Variants in PIGU observed in about 807,000 individuals in gnomAD.
PIGU encodes the protein GPI-anchor transamidase component PIGU.
PIGU carries 24 observed loss-of-function variants against 49.9 expected under a neutral mutation model. The ratio of observed to expected loss-of-function variants is 0.48; its 90% CI spans 0.35 to 0.68. PIGU has a LOEUF of 0.68. PIGU is among the 30% of genes least tolerant of loss of function. The probability of loss-of-function intolerance (pLI) is 0.01; values close to 1 mark genes in which losing one functional copy is unlikely to be tolerated. For synonymous variants in PIGU, 220 were observed against 205.7 expected (o/e 1.07, Z -0.59); for missense variants, 490 against 532.6 (o/e 0.92, Z 0.79).
intron 6 of PIGU, among the ~76,000 whole-genome samples, chr20:34,616,876 G>C (rs899579129): frequency 1.3e-5 from 2 of 152,154 alleles, no homozygotes; most frequent in African/African-American, 4.8e-5. Flanking sequence ...CACTTCGAGA[G>C]GCCGAGTCAG....
chr20:34,637,241 T>C (rs1985996258), intron 5 of PIGU, among the ~76,000 whole-genome samples: 1 of 152,268 alleles, frequency 6.6e-6, no homozygotes, highest in Non-Finnish European at 1.5e-5. Flanking sequence ...TCTTGTTTAC[T>C]GTATATCCCT....
intron 1 of PIGU, among the ~76,000 whole-genome samples, chr20:34,667,868 T>C (rs1331371721): frequency 6.6e-6 from 1 of 152,174 alleles, no homozygotes; most frequent in African/African-American, 2.4e-5. Context: ...ACAGTCACTT[T>C]ATGGTGGAGA....
intron 11 of PIGU, among the ~76,000 whole-genome samples, chr20:34,567,343 T>C (rs190244236): frequency 6.6e-6 from 1 of 152,168 alleles, no homozygotes; most frequent in South Asian, 2.1e-4. Flanking sequence ...AAGTAACAAG[T>C]GAAATCTCTG....
intron 1 of PIGU, among the ~76,000 whole-genome samples, chr20:34,666,944 C>T (rs1187969310): frequency 2.0e-5 from 3 of 151,918 alleles, no homozygotes; most frequent in African/African-American, 4.8e-5. Flanking sequence ...GTGATCCACC[C>T]GCCTCGGCCT....
At chr20:34,611,246 C>CT (rs1984800946) in intron 7 of PIGU, among the ~76,000 whole-genome samples, 1 of 152,144 alleles carries the variant, frequency 6.6e-6, no homozygotes, top group African/African-American at 2.4e-5. Context: ...GCAAAAGAAA[C>CT]TATCATCAGA....
At position 34,637,860 on chromosome 20, in the gene PIGU, G is replaced by A; in HGVS notation, c.428+16C>T. On this transcript the variant is annotated intron_variant, in intron 5 of 11. Transcript: ENST00000217446. ...CATTTGTTGGCACTAAGCCTGTTTT[G>A]TCAGGGAATACTTACAACAGGGCCA... is the stretch of plus-strand genomic sequence containing the variant. 1.2e-6 allele frequency: 2 copies of A among 1,606,322 alleles called. No individual in the cohort carries two copies. Among genetic ancestry groups the A allele is most frequent in the African/African-American group, 2.7e-5 (2 of 74,492 alleles).
At chr20:34,569,821 ATTC>A (rs1982930403) in intron 11 of PIGU, among the ~76,000 whole-genome samples, 2 of 152,216 alleles carry the variant, frequency 1.3e-5, no homozygotes, top group African/African-American at 2.4e-5. Flanking sequence ...GTCACTGAAT[ATTC>A]TTCTTGGTGC....
chr20:34,654,541 T>C (rs1237203420), intron 2 of PIGU, among the ~76,000 whole-genome samples: 1 of 118,590 alleles, frequency 8.4e-6, no homozygotes. Flanking sequence ...CAGTAGTTCT[T>C]GTTATTGCAG....
intron 1 of PIGU, among the ~76,000 whole-genome samples, chr20:34,657,817 T>C (rs1359072126): frequency 6.6e-6 from 1 of 152,208 alleles, no homozygotes; most frequent in Non-Finnish European, 1.5e-5. Context: ...AGAAATAATC[T>C]GAATGTCCAT....
chr20:34,561,060 T>C (rs1057326849), intron 11 of PIGU, 81 bp from the exon 12 acceptor site: 148 of 973,142 alleles, frequency 1.5e-4, no homozygotes, highest in Middle Eastern at 6.3e-4. Flanking sequence ...GCAGGTGTTG[T>C]TGGAAGACAG....
intron 7 of PIGU, among the ~76,000 whole-genome samples, chr20:34,595,050 C>G (rs73610858): frequency 2.2e-5 from 3 of 136,398 alleles, no homozygotes; most frequent in African/African-American, 8.2e-5. Context: ...GAGCCGAGAT[C>G]GCGCCACTGC....
chr20:34,583,119 A>G (rs991256070), intron 9 of PIGU, among the ~76,000 whole-genome samples: 1 of 152,234 alleles, frequency 6.6e-6, no homozygotes, highest in Non-Finnish European at 1.5e-5. Context: ...ACATGTCCAC[A>G]CCCAGAATGC....
chr20:34,611,156 T>G (rs565071850), intron 7 of PIGU, among the ~76,000 whole-genome samples: 2 of 152,174 alleles, frequency 1.3e-5, no homozygotes, highest in African/African-American at 4.8e-5. Flanking sequence ...AAAGACTTCA[T>G]GACTAAAACA....
chr20:34,649,848 C>CTTTTTT (rs1243838081), intron 2 of PIGU, among the ~76,000 whole-genome samples: 1 of 105,664 alleles, frequency 9.5e-6, no homozygotes, highest in African/African-American at 3.5e-5. Flanking sequence ...CTATTACATT[C>CTTTTTT]TTTTTTTTTT....
intron 11 of PIGU, among the ~76,000 whole-genome samples, chr20:34,561,549 G>A (rs1361988315): frequency 6.6e-6 from 1 of 152,064 alleles, no homozygotes; most frequent in Non-Finnish European, 1.5e-5. Flanking sequence ...GCAAAGCTTG[G>A]TCCTTGGGCT....
chr20:34,604,127 A>G (rs1232339147), intron 7 of PIGU, among the ~76,000 whole-genome samples: 1 of 152,214 alleles, frequency 6.6e-6, no homozygotes, highest in Non-Finnish European at 1.5e-5. Context: ...GATGTGATCC[A>G]AGGGTTATGT....
intron 1 of PIGU, among the ~76,000 whole-genome samples, chr20:34,658,135 GGC>G (rs1383848386): frequency 6.6e-6 from 1 of 152,236 alleles, no homozygotes. Context: ...TGCGATTGCA[GGC>G]GCGCGCCGCC....
chr20:34,625,139 A>C (rs1985412610), intron 6 of PIGU, among the ~76,000 whole-genome samples: 1 of 152,210 alleles, frequency 6.6e-6, no homozygotes, highest in South Asian at 2.1e-4. Context: ...TGGGAGGCCA[A>C]GGCGGGTGGA....
intron 6 of PIGU, among the ~76,000 whole-genome samples, chr20:34,632,373 T>C (rs897175351): frequency 2.8e-4 from 39 of 140,456 alleles, no homozygotes; most frequent in African/African-American, 7.9e-4. Flanking sequence ...TCATATACCC[T>C]TTTTTTTTTT....
Sources: allele counts gnomAD v4.1 joint callset (sites outside exome capture counted in the v4.1 genomes callset), GRCh38; gene constraint gnomAD v4.1.1; transcripts MANE v1.5; gene names NCBI Gene and HGNC (gene_info 2026-07-23, HGNC 2026-07-21).